ZBTB7C: variants seen among roughly 807,000 people sequenced by gnomAD.
ZBTB7C encodes the protein zinc finger and BTB domain containing 7C, also known as zinc finger and BTB domain-containing protein 7C.
Under a neutral mutation model 25.7 loss-of-function variants are expected in ZBTB7C, and 8 were observed. That is an observed-to-expected ratio of 0.31 (90% CI 0.18 to 0.56). The LOEUF is 0.56. Ranked by LOEUF, ZBTB7C falls within the 20% of genes least tolerant of loss-of-function variation. The pLI is 0.91. For synonymous variants in ZBTB7C, 394 were observed against 369.0 expected (o/e 1.07, Z -0.78); for missense variants, 824 against 855.2 (o/e 0.96, Z 0.46).
chr18:48,410,155 G>A (rs1460098647), upstream of ZBTB7C, among the ~76,000 whole-genome samples: 1 of 152,230 alleles, frequency 6.6e-6, no homozygotes, highest in Admixed American at 6.5e-5. Context: ...GAGAAGTTAA[G>A]TTTCCCAAAT....
chr18:48,182,492 T>C (rs903554088), intron 3 of ZBTB7C, among the ~76,000 whole-genome samples: 1 of 152,192 alleles, frequency 6.6e-6, no homozygotes, highest in African/African-American at 2.4e-5. Context: ...AATGCCATGA[T>C]AATACCAAAG....
intron 1 of ZBTB7C, among the ~76,000 whole-genome samples, chr18:48,385,835 A>G (rs1412695700): frequency 6.6e-6 from 1 of 152,188 alleles, no homozygotes; most frequent in Admixed American, 6.5e-5. Flanking sequence ...GCTGGCAGCC[A>G]GGGTGGCAGA....
At chr18:48,041,572 CCT>C (rs1276329228) in intron 3 of ZBTB7C, 2 of 983,058 alleles carry the variant, frequency 2.0e-6, no homozygotes, top group African/African-American at 3.5e-5. Context: ...TCTCACAAAT[CCT>C]CTGATTCTGT....
intron 2 of ZBTB7C, among the ~76,000 whole-genome samples, chr18:48,275,538 G>A (rs977200184): frequency 2.0e-5 from 3 of 152,142 alleles, no homozygotes; most frequent in Middle Eastern, 6.3e-3. Flanking sequence ...CCCAGAGAGC[G>A]ACTTGCCCTA....
intron 1 of ZBTB7C, among the ~76,000 whole-genome samples, chr18:48,370,992 C>G (rs149590800): frequency 1.3e-5 from 2 of 152,222 alleles, no homozygotes; most frequent in African/African-American, 4.8e-5. Flanking sequence ...GGAGGTGATT[C>G]AAGACACATT....
intron 3 of ZBTB7C, among the ~76,000 whole-genome samples, chr18:48,122,323 T>A (rs1409287477): frequency 2.6e-5 from 4 of 152,226 alleles, no homozygotes; most frequent in African/African-American, 9.6e-5. Context: ...GATATTACCA[T>A]TTTCCTACCT....
chr18:48,400,539 G>A (rs1442593300), intron 1 of ZBTB7C, among the ~76,000 whole-genome samples: 1 of 152,072 alleles, frequency 6.6e-6, no homozygotes, highest in East Asian at 1.9e-4. Context: ...CCACCTAGAG[G>A]CCCTGCTGCT....
intron 1 of ZBTB7C, among the ~76,000 whole-genome samples, chr18:48,394,217 T>C (rs752293493): frequency 1.2e-4 from 18 of 152,316 alleles, no homozygotes; most frequent in Admixed American, 1.3e-4. Flanking sequence ...CCTTAAGAAA[T>C]GTCCCAGAAA....
intron 3 of ZBTB7C, chr18:48,084,019 C>G (rs113204885): frequency 2.2e-5 from 8 of 363,616 alleles, no homozygotes; most frequent in Non-Finnish European, 3.1e-5. Context: ...GTTTCCACAC[C>G]GAAGGAAACT....
At chr18:48,032,726 G>A (rs191395458) in intron 4 of ZBTB7C, among the ~76,000 whole-genome samples, 14 of 151,956 alleles carry the variant, frequency 9.2e-5, no homozygotes, top group Non-Finnish European at 1.6e-4. Flanking sequence ...GTGAGCCACC[G>A]CCCCTGGCCA....
intron 4 of ZBTB7C, among the ~76,000 whole-genome samples, chr18:48,039,688 C>CCTAATATTGTATCT (rs1568165129): frequency 6.6e-6 from 1 of 152,210 alleles, no homozygotes; most frequent in African/African-American, 2.4e-5. Context: ...TGGGCTTCCA[C>CCTAATATTGTATCT]CTAATATTGT....
intron 2 of ZBTB7C, among the ~76,000 whole-genome samples, chr18:48,328,484 C>T (rs780760855): frequency 6.6e-6 from 1 of 152,068 alleles, no homozygotes; most frequent in Non-Finnish European, 1.5e-5. Flanking sequence ...GTAATTTGAA[C>T]AAAGATCTTT....
chr18:48,154,985 T>C (rs1231710875), intron 3 of ZBTB7C, among the ~76,000 whole-genome samples: 1 of 152,236 alleles, frequency 6.6e-6, no homozygotes, highest in African/African-American at 2.4e-5. Flanking sequence ...TGCTGCCTCC[T>C]AGAGCCACCA....
At chr18:48,194,708 A>T (rs2042276925) in intron 2 of ZBTB7C, among the ~76,000 whole-genome samples, 1 of 152,122 alleles carries the variant, frequency 6.6e-6, no homozygotes, top group South Asian at 2.1e-4. Flanking sequence ...AGCAGATGAC[A>T]TATGCAGAGA....
chr18:48,396,908 C>G (rs2048040650), intron 1 of ZBTB7C, among the ~76,000 whole-genome samples: 1 of 152,158 alleles, frequency 6.6e-6, no homozygotes, highest in African/African-American at 2.4e-5. Flanking sequence ...TAGGTGGACG[C>G]CTACCTCTGG....
intron 1 of ZBTB7C, among the ~76,000 whole-genome samples, chr18:48,392,743 G>A (rs762389026): frequency 1.3e-5 from 2 of 152,214 alleles, no homozygotes; most frequent in African/African-American, 4.8e-5. Flanking sequence ...CTCTGGAGCC[G>A]AGGGAGGGAA....
intron 3 of ZBTB7C, chr18:48,088,323 T>G (rs1316163143): frequency 2.6e-5 from 4 of 152,180 alleles, no homozygotes; most frequent in Non-Finnish European, 5.9e-5. Flanking sequence ...GAGGGACACA[T>G]TGCTCTAAGT....
At chr18:48,168,132 G>A (rs2041333343) in intron 3 of ZBTB7C, among the ~76,000 whole-genome samples, 1 of 152,174 alleles carries the variant, frequency 6.6e-6, no homozygotes, top group Admixed American at 6.5e-5. Context: ...GGGAGCAAAG[G>A]GCAGAGCTTG....
rs193130679 is a variant in ZBTB7C at position 48,109,713 on chromosome 18, G to C, written c.-16-68590C>G. Among the ~76,000 whole-genome samples, 18 of 152,176 alleles carry C rather than the reference G, an allele frequency of 1.2e-4. No homozygotes were observed. In the East Asian group the frequency reaches 3.3e-3, roughly 28 times the overall value. The stretch of plus-strand genomic sequence containing the variant: ...GGCAGGGCCTGCAGAGGAGGGAGGG[G>C]GCAAGGGCTGCGGAGGTGCATTTCC... On this transcript the variant is annotated intron_variant, in intron 3 of 4. Transcript: ENST00000590800.
Sources: gnomAD v4.1 joint callset for allele counts (sites outside exome capture counted in the v4.1 genomes callset) on GRCh38, gnomAD v4.1.1 for gene constraint, MANE v1.5 for transcripts, NCBI Gene and HGNC (gene_info 2026-07-23, HGNC 2026-07-21) for gene names.